CA10: variants seen among roughly 807,000 people sequenced by gnomAD.
CA10 encodes the protein carbonic anhydrase 10 (inactive), also known as carbonic anhydrase-related protein 10.
Under a neutral mutation model 44.2 loss-of-function variants are expected in CA10, and 14 were observed. That is an observed-to-expected ratio of 0.32 (90% CI 0.21 to 0.50). The LOEUF is 0.50. CA10 is among the 20% of genes least tolerant of loss of function. The pLI is 0.99. For missense variants in CA10, 350 were observed against 409.7 expected (o/e 0.85, Z 1.26); for synonymous variants, 159 against 141.6 (o/e 1.12, Z -0.87).
At position 51,882,034 on chromosome 17, in the gene CA10, G is replaced by A. The variant is rs574640207; in HGVS notation, c.279+48956C>T. ...GCTAATGGTTCATCAATAGCCCACA[G>A]TTGAATATTGTGGAAAACTTCGCAG... is the stretch of plus-strand genomic sequence containing the variant. On this transcript the variant is annotated intron_variant, in intron 3 of 8. Coordinates refer to ENST00000451037, the MANE Select transcript of CA10 (RefSeq NM_020178.5). 5.1e-4 allele frequency among the ~76,000 whole-genome samples: 76 copies of A among 149,208 alleles called. 1 individual carries two copies. In the South Asian group the frequency reaches 0.014, roughly 27 times the overall value.
intron 3 of CA10, among the ~76,000 whole-genome samples, chr17:51,760,812 G>T (rs1905196749): frequency 6.6e-6 from 1 of 152,064 alleles, no homozygotes; most frequent in Non-Finnish European, 1.5e-5. Context: ...CCACATTAAT[G>T]AAACAAAACA....
chr17:52,143,817 C>A (rs571286141), intron 1 of CA10, among the ~76,000 whole-genome samples: 17 of 152,244 alleles, frequency 1.1e-4, no homozygotes, highest in African/African-American at 3.9e-4. Flanking sequence ...GGAAAAAAAT[C>A]CCACAAAAAA....
At chr17:51,910,668 G>A (rs909543454) in intron 3 of CA10, among the ~76,000 whole-genome samples, 11 of 152,244 alleles carry the variant, frequency 7.2e-5, no homozygotes, top group African/African-American at 1.9e-4. Flanking sequence ...TAGTTACGCC[G>A]TTCTTGCAGA....
chr17:51,845,185 CT>C (rs1166060757), intron 3 of CA10, among the ~76,000 whole-genome samples: 1 of 152,156 alleles, frequency 6.6e-6, no homozygotes, highest in Non-Finnish European at 1.5e-5. Context: ...ACAGGGAATA[CT>C]TTTTTATTGT....
chr17:51,934,809 T>C (rs1261798519), intron 2 of CA10, among the ~76,000 whole-genome samples: 1 of 152,060 alleles, frequency 6.6e-6, no homozygotes, highest in Non-Finnish European at 1.5e-5. Context: ...GGAGCGGTGT[T>C]AAGTGTTGGG....
chr17:51,957,231 C>T (rs1476042122), intron 2 of CA10, among the ~76,000 whole-genome samples: 3 of 152,174 alleles, frequency 2.0e-5, no homozygotes, highest in South Asian at 2.1e-4. Flanking sequence ...AAGTAAGAAA[C>T]GTTATTCCAA....
intron 7 of CA10, 92 bp downstream of exon 7, chr17:51,635,763 T>C: frequency 1.0e-6 from 1 of 978,228 alleles, no homozygotes; most frequent in South Asian, 2.1e-5. Flanking sequence ...ATAGTGGTCC[T>C]AGTAAACTAT....
At chr17:52,136,901 T>C (rs758157444) in intron 1 of CA10, among the ~76,000 whole-genome samples, 1 of 151,962 alleles carries the variant, frequency 6.6e-6, no homozygotes, top group Non-Finnish European at 1.5e-5. Flanking sequence ...CAACATGGAG[T>C]TGCTTTGGAA....
At chr17:51,951,326 A>G (rs1983473066) in intron 2 of CA10, among the ~76,000 whole-genome samples, 1 of 152,126 alleles carries the variant, frequency 6.6e-6, no homozygotes, top group Non-Finnish European at 1.5e-5. Context: ...TTCTTTCAAT[A>G]AGGACCATAA....
chr17:51,771,092 C>T (rs1367570322), intron 3 of CA10, among the ~76,000 whole-genome samples: 1 of 136,336 alleles, frequency 7.3e-6, no homozygotes, highest in Non-Finnish European at 1.5e-5. Flanking sequence ...CCACTGCTCT[C>T]CAGTCTGGCG....
chr17:51,925,720 T>C (rs552081514), intron 3 of CA10, among the ~76,000 whole-genome samples: 2 of 152,260 alleles, frequency 1.3e-5, no homozygotes, highest in South Asian at 4.1e-4. Flanking sequence ...ACAAACAAAA[T>C]GTGGTATATA....
intron 2 of CA10, among the ~76,000 whole-genome samples, chr17:51,973,665 G>C (rs551872403): frequency 6.6e-6 from 1 of 152,260 alleles, no homozygotes; most frequent in East Asian, 1.9e-4. Flanking sequence ...GAGCCTTAAA[G>C]TAGTCTTTAG....
chr17:51,853,438 G>A (rs1327237843), intron 3 of CA10, among the ~76,000 whole-genome samples: 4 of 152,294 alleles, frequency 2.6e-5, no homozygotes, highest in East Asian at 3.9e-4. Flanking sequence ...TAATTAGAAT[G>A]TCTGTCCCAG....
intron 2 of CA10, among the ~76,000 whole-genome samples, chr17:52,052,289 C>CTTCTT (rs1555562082): frequency 4.7e-5 from 1 of 21,082 alleles, no homozygotes; most frequent in African/African-American, 2.0e-4. Context: ...ACTTAAAAGG[C>CTTCTT]TTTTTTTTTT....
rs180717011 is a variant in CA10 at position 51,636,388 on chromosome 17, G to A, written c.635-379C>T. The stretch of plus-strand genomic sequence containing the variant: ...GCGAAAGCATGGCGAATGTGTGTTG[G>A]TTCTTAAAACTTCCATCCCAGAAGT... On this transcript the variant is annotated intron_variant, in intron 6 of 8. Coordinates refer to ENST00000451037, the MANE Select transcript of CA10 (RefSeq NM_020178.5). Among the ~76,000 whole-genome samples the A allele has an allele frequency of 5.3e-4, 80 of 152,282 alleles. 2 individuals carry two copies. Among genetic ancestry groups the A allele is most frequent in the Non-Finnish European group, 9.0e-4 (61 of 68,020 alleles).
At chr17:52,083,854 A>G (rs1988048232) in intron 1 of CA10, among the ~76,000 whole-genome samples, 1 of 152,156 alleles carries the variant, frequency 6.6e-6, no homozygotes, top group Admixed American at 6.5e-5. Flanking sequence ...TGCTATTGTG[A>G]ACAGTACTGC....
chr17:51,641,168 TCTC>T (rs372003066), intron 6 of CA10, among the ~76,000 whole-genome samples: 98,297 of 148,252 alleles, frequency 0.66, 33,133 homozygotes, highest in South Asian at 0.76. Flanking sequence ...CTCTCTCTCC[TCTC>T]TCTCTCTCTC....
intron 2 of CA10, among the ~76,000 whole-genome samples, chr17:52,064,755 A>G (rs1987488375): frequency 6.6e-6 from 1 of 152,186 alleles, no homozygotes; most frequent in Non-Finnish European, 1.5e-5. Flanking sequence ...CCCAATTTTA[A>G]AGAATGCAAC....
intron 1 of CA10, among the ~76,000 whole-genome samples, chr17:52,106,331 A>G (rs1988661915): frequency 1.3e-5 from 2 of 152,182 alleles, no homozygotes; most frequent in South Asian, 4.1e-4. Context: ...CTGGAAGTGG[A>G]GTGAGCCAGG....
Sources: gnomAD v4.1 joint callset for allele counts (sites outside exome capture counted in the v4.1 genomes callset) on GRCh38, gnomAD v4.1.1 for gene constraint, MANE v1.5 for transcripts, NCBI Gene and HGNC (gene_info 2026-07-23, HGNC 2026-07-21) for gene names.